SEMA3A: variants seen among roughly 807,000 people sequenced by gnomAD.
SEMA3A encodes semaphorin-3A.
In SEMA3A, 29 loss-of-function variants were observed where a neutral mutation model predicts 97.9. That is an observed-to-expected ratio of 0.30 (90% CI 0.22 to 0.40). SEMA3A has a LOEUF of 0.40. Ranked by LOEUF, SEMA3A falls within the 10% of genes least tolerant of loss-of-function variation. The pLI is 1.00. For synonymous variants in SEMA3A, 321 were observed against 323.7 expected, an observed-to-expected ratio of 0.99 and a Z score of 0.09; for missense variants, 763 against 951.3, an observed-to-expected ratio of 0.80 and a Z score of 2.60.
chr7:84,412,593 T>C (rs1331561034), intron 1 of SEMA3A, among the ~76,000 whole-genome samples: 3 of 152,192 alleles, frequency 2.0e-5, no homozygotes, highest in Non-Finnish European at 2.9e-5. Context: ...CTAGATCATT[T>C]ACAAAGAAGG....
intron 1 of SEMA3A, among the ~76,000 whole-genome samples, chr7:84,158,818 T>G (rs556895362): frequency 6.6e-6 from 1 of 152,368 alleles, no homozygotes; most frequent in East Asian, 1.9e-4. Context: ...TGAATTTTAA[T>G]TTCTTTCTAG....
intron 1 of SEMA3A, among the ~76,000 whole-genome samples, chr7:84,455,424 T>C (rs1805664808): frequency 6.6e-6 from 1 of 151,996 alleles, no homozygotes; most frequent in Admixed American, 6.6e-5. Context: ...AAAGGCTGTA[T>C]GTTAAACTAA....
intron 1 of SEMA3A, among the ~76,000 whole-genome samples, chr7:84,143,191 T>C (rs1796348454): frequency 6.6e-6 from 1 of 152,094 alleles, no homozygotes; most frequent in Non-Finnish European, 1.5e-5. Flanking sequence ...GTAAACTTTC[T>C]ACAAAACACA....
chr7:84,088,698 C>T (rs919750696), intron 4 of SEMA3A, among the ~76,000 whole-genome samples: 1 of 151,922 alleles, frequency 6.6e-6, no homozygotes, highest in Non-Finnish European at 1.5e-5. Flanking sequence ...ATTCAGAAAA[C>T]AATATGAAAT....
intron 3 of SEMA3A, among the ~76,000 whole-genome samples, chr7:84,267,046 C>T (rs962294472): frequency 7.9e-5 from 12 of 152,036 alleles, no homozygotes; most frequent in South Asian, 2.1e-4. Context: ...AATACATACA[C>T]GTTACTAAGC....
intron 3 of SEMA3A, among the ~76,000 whole-genome samples, chr7:84,270,472 C>G (rs1280566555): frequency 6.6e-6 from 1 of 150,682 alleles, no homozygotes; most frequent in Non-Finnish European, 1.5e-5. Context: ...TGCTTATCAG[C>G]CTTTGGCAAT....
intron 1 of SEMA3A, among the ~76,000 whole-genome samples, chr7:84,149,791 C>T (rs1288974036): frequency 6.6e-6 from 1 of 152,138 alleles, no homozygotes; most frequent in Non-Finnish European, 1.5e-5. Context: ...TCCCTGCTGG[C>T]CACAACATTC....
chr7:83,998,079 A>C (rs1584525910), intron 12 of SEMA3A, among the ~76,000 whole-genome samples: 1 of 151,490 alleles, frequency 6.6e-6, no homozygotes, highest in Admixed American at 6.6e-5. Context: ...CACAGGTATA[A>C]GTCGGTTATG....
chr7:84,114,801 C>G (rs944380497), intron 3 of SEMA3A, among the ~76,000 whole-genome samples: 8 of 152,000 alleles, frequency 5.3e-5, no homozygotes, highest in Non-Finnish European at 7.4e-5. Flanking sequence ...TGTGCTATTA[C>G]AGCTGTAATC....
chr7:84,422,261 C>T (rs866628087), intron 1 of SEMA3A, among the ~76,000 whole-genome samples: 4 of 151,600 alleles, frequency 2.6e-5, no homozygotes, highest in African/African-American at 9.7e-5. Context: ...TGTATGTGTC[C>T]AGGAATTTAT....
intron 14 of SEMA3A, among the ~76,000 whole-genome samples, chr7:83,977,537 T>C (rs968144831): frequency 1.3e-4 from 20 of 151,880 alleles, no homozygotes; most frequent in Non-Finnish European, 2.6e-4. Flanking sequence ...AGGCCTAACT[T>C]CTGTGGAAAA....
At chr7:84,014,143 A>G (rs1267227612) in intron 7 of SEMA3A, 66 bp downstream of exon 7, 1 of 1,456,486 alleles carries the variant, frequency 6.9e-7, no homozygotes, top group African/African-American at 1.4e-5. Context: ...ACAGGTAGAA[A>G]ATTTTAAAAA....
intron 4 of SEMA3A, among the ~76,000 whole-genome samples, chr7:84,106,920 T>C (rs1461925217): frequency 6.6e-6 from 1 of 152,216 alleles, no homozygotes; most frequent in African/African-American, 2.4e-5. Flanking sequence ...GATAAAATTA[T>C]TTGTTATATG....
intron 2 of SEMA3A, among the ~76,000 whole-genome samples, chr7:84,129,541 G>T (rs905663534): frequency 1.5e-4 from 23 of 152,130 alleles, no homozygotes; most frequent in African/African-American, 4.3e-4. Context: ...AACTGGCATA[G>T]AATATGGCTC....
At chr7:83,968,723 TTAGA>T (rs563201094) in intron 15 of SEMA3A, among the ~76,000 whole-genome samples, 68 of 152,142 alleles carry the variant, frequency 4.5e-4, no homozygotes, top group African/African-American at 1.5e-3. Context: ...CTTTTATATG[TTAGA>T]TAGGTCATTT....
chr7:84,078,307 C>CAAA (rs1794023945), intron 4 of SEMA3A, among the ~76,000 whole-genome samples: 1 of 151,996 alleles, frequency 6.6e-6, no homozygotes, highest in African/African-American at 2.4e-5. Flanking sequence ...AAGGCCTTTT[C>CAAA]ATGAAACCTA....
intron 4 of SEMA3A, among the ~76,000 whole-genome samples, chr7:84,061,677 T>C (rs1186826515): frequency 6.6e-6 from 1 of 152,234 alleles, no homozygotes; most frequent in Non-Finnish European, 1.5e-5. Flanking sequence ...ATTTAATATT[T>C]CTGATGGAAC....
At chr7:84,358,422 G>T (rs1331817930) in intron 2 of SEMA3A, among the ~76,000 whole-genome samples, 1 of 152,110 alleles carries the variant, frequency 6.6e-6, no homozygotes, top group African/African-American at 2.4e-5. Context: ...GTTTTTGTCA[G>T]GTTTGTCAAA....
At chr7:84,080,145 T>C (rs1794100004) in intron 4 of SEMA3A, among the ~76,000 whole-genome samples, 1 of 112,224 alleles carries the variant, frequency 8.9e-6, no homozygotes, top group Non-Finnish European at 1.7e-5. Flanking sequence ...TAGATGGGAA[T>C]TGAACAATGA....
Sources: gnomAD v4.1 joint callset for allele counts (sites outside exome capture counted in the v4.1 genomes callset) on GRCh38, gnomAD v4.1.1 for gene constraint, MANE v1.5 for transcripts, NCBI Gene and HGNC (gene_info 2026-07-23, HGNC 2026-07-21) for gene names.